The following DEFB127 variants were observed in gnomAD, a reference collection of about 807,000 sequenced individuals.
DEFB127 encodes beta-defensin 127.
A neutral mutation model predicts 2.4 loss-of-function variants in DEFB127; 2 were observed. The ratio of observed to expected loss-of-function variants is 0.82; its 90% confidence interval spans 0.34 to 2.58. The LOEUF (loss-of-function observed/expected upper bound fraction) is 2.58, where lower values mean the gene tolerates loss of function less well. Ranked by LOEUF, DEFB127 falls within the 30% of genes most tolerant of loss-of-function variation. DEFB127 has a pLI of 0.11. For missense variants in DEFB127, 110 were observed against 113.2 expected (o/e 0.97, Z 0.13); for synonymous variants, 37 against 39.8 (o/e 0.93, Z 0.26).
chr20:158,162 A>C (rs2054710668), intron 1 of DEFB127, among the ~76,000 whole-genome samples: 1 of 152,086 alleles, frequency 6.6e-6, no homozygotes, highest in African/African-American at 2.4e-5. Context: ...AGAACTCAAA[A>C]ATTAGAGTTT....
Position 159,003 on chromosome 20 carries a change from C to T in DEFB127, c.279C>T (p.Ser93=), listed in dbSNP as rs749396441. The T allele has an allele frequency of 1.2e-6, 2 of 1,610,232 alleles. No homozygotes were observed. Among genetic ancestry groups the T allele is most frequent in the East Asian group, 4.5e-5 (2 of 44,864 alleles). ...DYVTIIENFP[S]LKTQST Reference sequence around the variant, plus strand: ...TTACAATAATAGAAAATTTCCCAAGCCTGAAGACACAGTCTACATAAATCA... The same window carrying T: ...TTACAATAATAGAAAATTTCCCAAGTCTGAAGACACAGTCTACATAAATCA... Residue 93 remains serine (S), a synonymous_variant, in exon 2 of 2, where the codon AGC becomes AGT. Coordinates refer to ENST00000382388, the MANE Select transcript of DEFB127 (RefSeq NM_139074.4).
chr20:158,975 A>T lies in DEFB127; in HGVS notation c.251A>T (p.Tyr84Phe). The change falls in exon 2 of 2, where the codon TAT (tyrosine) becomes TTT (phenylalanine). Residue 84 changes from tyrosine (Y) to phenylalanine (F), a missense_variant. Tyr to Phe is a conservative substitution (Grantham distance 22). Coordinates refer to ENST00000382388, the MANE Select transcript of DEFB127 (RefSeq NM_139074.4). ...PATLALTLQDYVTIIENFPSL... is the reference protein window; with the variant it reads ...PATLALTLQDFVTIIENFPSL... ...ACACTTGCACTGACTCTTCAAGACTATGTTACAATAATAGAAAATTTCCCA... is the reference window on the plus strand; with the variant it reads ...ACACTTGCACTGACTCTTCAAGACTTTGTTACAATAATAGAAAATTTCCCA... 6.2e-7 allele frequency: 1 copy of T among 1,612,046 alleles called. No homozygotes were observed. Among genetic ancestry groups the T allele is most frequent in the Non-Finnish European group, 8.5e-7 (1 of 1,179,302 alleles).
In DEFB127 at chr20:157,476, G is replaced by A; in HGVS notation, c.-69G>A. On this transcript the variant is annotated 5_prime_UTR_variant, in exon 1 of 2. Coordinates refer to ENST00000382388, the MANE Select transcript of DEFB127 (RefSeq NM_139074.4). The stretch of plus-strand genomic sequence containing the variant: ...AGTGCATAAGAATCTAAGTCTCTGA[G>A]GAAGGTAGCATAGTGTGCAGTTCAC... 2 of 1,535,072 alleles carry A rather than the reference G, an allele frequency of 1.3e-6. No individual in the cohort carries two copies. Among genetic ancestry groups the A allele is most frequent in the Non-Finnish European group, 1.8e-6 (2 of 1,109,170 alleles).
chr20:158,732 C>G (rs755676242), intron 1 of DEFB127, 42 bp from the exon 2 acceptor site: 12 of 1,570,698 alleles, frequency 7.6e-6, no homozygotes, highest in Non-Finnish European at 1.0e-5. Flanking sequence ...TGCCTTCAGT[C>G]TCAAACACTG....
chr20:157,925 ATATATATG>A (rs1385471614), intron 1 of DEFB127, among the ~76,000 whole-genome samples: 13 of 22,588 alleles, frequency 5.8e-4, no homozygotes, highest in East Asian at 4.9e-3. Context: ...TTACTCAAAT[ATATATATG>A]TGTGTGTGTG....
In DEFB127 at chr20:158,897, A is replaced by G. The variant is rs141018741; in HGVS notation, c.173A>G (p.Lys58Arg). The change falls in exon 2 of 2, where the codon AAG becomes AGG. Residue 58 changes from lysine (K) to arginine (R), a missense_variant. Transcript: ENST00000382388. The stretch of plus-strand genomic sequence containing the variant: ...GGGAGATACTGTTGCCTCAATATCA[A>G]GGAACTGGAAGCATGTAAAAAAATT... ...ENGRYCCLNI[K>R]ELEACKKITK... The G allele has an allele frequency of 5.7e-4, 924 of 1,613,836 alleles. 3 individuals carry two copies. In the African/African-American group the frequency reaches 8.4e-3, roughly 15 times the overall value.
intron 1 of DEFB127, among the ~76,000 whole-genome samples, chr20:158,529 T>C (rs1232828669): frequency 6.6e-6 from 1 of 152,144 alleles, no homozygotes. Flanking sequence ...GATCTTATGT[T>C]CTTGGCAGAG....
chr20:159,100 C>T lies in DEFB127; in HGVS notation c.*76C>T, dbSNP rs76169392. ...AAGGTGATGAGATATACATCTTCTT[C>T]CTTTTGGTTTCTTGATCCTTAAAAT... On this transcript the variant is annotated 3_prime_UTR_variant, in exon 2 of 2. Transcript: ENST00000382388. 24,720 of 1,447,150 alleles carry T rather than the reference C, an allele frequency of 0.017. 255 individuals carry two copies. The highest frequency in any genetic ancestry group is 0.03 in the Middle Eastern group (165 of 5,422). The allele number at this position is 1,447,150 out of a possible 1,614,324, so 89.6% of individuals were successfully genotyped here.
In DEFB127 at chr20:159,002, G is replaced by A. The variant is rs1382403054; in HGVS notation, c.278G>A (p.Ser93Asn). Residue 93 changes from serine (S) to asparagine (N), a missense_variant, in exon 2 of 2, where the codon AGC (serine) becomes AAC (asparagine). By Grantham distance (46) the Ser-to-Asn change is conservative (BLOSUM62 1). Transcript: ENST00000382388. ...GTTACAATAATAGAAAATTTCCCAA[G>A]CCTGAAGACACAGTCTACATAAATC... ...DYVTIIENFP[S>N]LKTQST is the part of the protein sequence containing the mutation. 1.9e-6 allele frequency: 3 copies of A among 1,610,230 alleles called. No homozygotes were observed. Among genetic ancestry groups the A allele is most frequent in the South Asian group, 2.2e-5 (2 of 90,626 alleles).
chr20:159,128 C>T lies in DEFB127; in HGVS notation c.*104C>T. On this transcript the variant is annotated 3_prime_UTR_variant, in exon 2 of 2. Coordinates refer to ENST00000382388, the MANE Select transcript of DEFB127 (RefSeq NM_139074.4). ...TTTGGTTTCTTGATCCTTAAAATGA[C>T]CTTCGAGCATATTCTAATAAAGTGC... 1 of 1,304,732 alleles carries T rather than the reference C, an allele frequency of 7.7e-7. No individual in the cohort carries two copies. The highest frequency in any genetic ancestry group is 2.4e-5 in the East Asian group (1 of 40,930). The allele number at this position is 1,304,732 out of a possible 1,614,324, so 80.8% of individuals were successfully genotyped here. A position where few individuals can be genotyped will look rare whatever the true frequency, so the allele number is the denominator to read the frequency against.
intron 1 of DEFB127, 135 bp from the exon 2 acceptor site, chr20:158,639 T>C: frequency 1.2e-6 from 1 of 857,032 alleles, no homozygotes; most frequent in Non-Finnish European, 1.8e-6. Flanking sequence ...GAAAATCCTC[T>C]TCAGAATATA....
At position 158,185 on chromosome 20, in the gene DEFB127, C is replaced by A. The variant is rs183963200; in HGVS notation, c.50-589C>A. Among the ~76,000 whole-genome samples the A allele has an allele frequency of 4.6e-5, 7 of 152,246 alleles. No homozygotes were observed. In the East Asian group the frequency reaches 1.3e-3, roughly 29 times the overall value. On this transcript the variant is annotated intron_variant, in intron 1 of 1. Transcript: ENST00000382388. Reference sequence around the variant, plus strand: ...AAAATTAGAGTTTCCTTTCCTCTTTCAAAACCAGATTTCTTACATGTGTCC... The same window carrying A: ...AAAATTAGAGTTTCCTTTCCTCTTTAAAAACCAGATTTCTTACATGTGTCC...
chr20:157,929 ATATG>A (rs1213995674), intron 1 of DEFB127, among the ~76,000 whole-genome samples: 78 of 130,348 alleles, frequency 6.0e-4, no homozygotes, highest in African/African-American at 1.9e-3. Flanking sequence ...TCAAATATAT[ATATG>A]TGTGTGTGTG....
In DEFB127 at chr20:157,463, T is replaced by G. The variant is rs1311149563; in HGVS notation, c.-82T>G. 5.4e-6 allele frequency: 8 copies of G among 1,468,120 alleles called. No homozygotes were observed. The highest frequency in any genetic ancestry group is 1.4e-5 in the African/African-American group (1 of 72,250). 90.9% of individuals were successfully genotyped at this position (1,468,120 alleles called of 1,614,324 possible). On this transcript the variant is annotated 5_prime_UTR_variant, in exon 1 of 2. Coordinates refer to ENST00000382388, the MANE Select transcript of DEFB127 (RefSeq NM_139074.4). ...TCTGTTCTGGTTCAGTGCATAAGAATCTAAGTCTCTGAGGAAGGTAGCATA... is the reference window on the plus strand; with the variant it reads ...TCTGTTCTGGTTCAGTGCATAAGAAGCTAAGTCTCTGAGGAAGGTAGCATA...
rs147967884 is a variant in DEFB127, at chr20:158,936, G to A, written c.212G>A (p.Arg71His). The A allele has an allele frequency of 2.4e-4, 386 of 1,613,620 alleles. 5 individuals are homozygous for A. The South Asian group carries it at 2.4e-3, about 10-fold the overall frequency. The stretch of plus-strand genomic sequence containing the variant: ...TGTAAAAAAATTACAAAGCCACCTC[G>A]TCCAAAGCCAGCAACACTTGCACTG... ...EACKKITKPPRPKPATLALTL... is the reference protein window; with the variant it reads ...EACKKITKPPHPKPATLALTL... Residue 71 changes from arginine (R) to histidine (H), a missense_variant, in exon 2 of 2, where the codon CGT becomes CAT. Physicochemically the swap from Arg to His is conservative, Grantham distance 29. Transcript: ENST00000382388.
At position 158,878 on chromosome 20, in the gene DEFB127, T is replaced by C. The variant is rs1436028079; in HGVS notation, c.154T>C (p.Tyr52His). 6.2e-7 allele frequency: 1 copy of C among 1,613,818 alleles called. No homozygotes were observed. Among genetic ancestry groups the C allele is most frequent in the Non-Finnish European group, 8.5e-7 (1 of 1,179,830 alleles). The part of the protein sequence containing the change: ...VPEALCENGR[Y>H]CCLNIKELEA... ...TGAGGCACTATGTGAAAATGGGAGA[T>C]ACTGTTGCCTCAATATCAAGGAACT... is the stretch of plus-strand genomic sequence containing the variant. Residue 52 changes from tyrosine to histidine, a missense_variant, in exon 2 of 2, where the codon TAC becomes CAC. Physicochemically the swap from Tyr to His is moderately conservative, Grantham distance 83 (BLOSUM62 2). Transcript: ENST00000382388.
chr20:157,666 A>T, intron 1 of DEFB127, 73 bp downstream of exon 1: 1 of 1,536,066 alleles, frequency 6.5e-7, no homozygotes, highest in Non-Finnish European at 9.0e-7. Flanking sequence ...GGAACTTCAT[A>T]ATCCACACTA....
Sources: gnomAD v4.1 joint callset for allele counts (sites outside exome capture counted in the v4.1 genomes callset) on GRCh38, gnomAD v4.1.1 for gene constraint, MANE v1.5 for transcripts, NCBI Gene and HGNC (gene_info 2026-07-23, HGNC 2026-07-21) for gene names.